The following FAM227B variants were observed in gnomAD, a reference collection of about 807,000 sequenced individuals.
FAM227B encodes the protein protein FAM227B.
FAM227B carries 88 observed loss-of-function variants against 73.8 expected under a neutral mutation model. The observed-to-expected ratio is 1.19, with a 90% CI of 1.00 to 1.42. FAM227B has a LOEUF of 1.42. FAM227B is among the 40% of genes most tolerant of loss of function. The pLI is 0.00. For missense variants in FAM227B, 632 were observed against 590.9 expected, an observed-to-expected ratio of 1.07 and a Z score of -0.72; for synonymous variants, 210 against 190.5, an observed-to-expected ratio of 1.10 and a Z score of -0.84.
At chr15:49,432,439 A>G (rs2050699501) in intron 11 of FAM227B, among the ~76,000 whole-genome samples, 1 of 151,710 alleles carries the variant, frequency 6.6e-6, no homozygotes, top group African/African-American at 2.4e-5. Flanking sequence ...AGAATTTTTA[A>G]AACTCTAGGA....
intron 11 of FAM227B, among the ~76,000 whole-genome samples, chr15:49,439,946 G>A (rs2051481857): frequency 6.6e-6 from 1 of 151,664 alleles, no homozygotes; most frequent in Non-Finnish European, 1.5e-5. Flanking sequence ...AACTGGAAAG[G>A]AAAAAATATG....
chr15:49,565,106 G>A (rs536126468), intron 9 of FAM227B, among the ~76,000 whole-genome samples: 3 of 152,050 alleles, frequency 2.0e-5, no homozygotes, highest in South Asian at 4.2e-4. Context: ...ATCAGAGGCC[G>A]GGCACAGTAG....
At chr15:49,545,167 A>T (rs1468647557) in intron 9 of FAM227B, among the ~76,000 whole-genome samples, 1 of 152,076 alleles carries the variant, frequency 6.6e-6, no homozygotes, top group African/African-American at 2.4e-5. Context: ...TTACTGTTTC[A>T]ATCTCACTAC....
At chr15:49,348,134 T>C (rs1363434265) in intron 13 of FAM227B, among the ~76,000 whole-genome samples, 1 of 152,086 alleles carries the variant, frequency 6.6e-6, no homozygotes. Flanking sequence ...CTGATAAGGC[T>C]GGATAAACAA....
intron 1 of FAM227B, among the ~76,000 whole-genome samples, chr15:49,617,231 A>T (rs1205029216): frequency 6.7e-6 from 1 of 149,798 alleles, no homozygotes; most frequent in Non-Finnish European, 1.5e-5. Flanking sequence ...AATATTTTTA[A>T]AAAATGGAAA....
chr15:49,339,919 C>T (rs9806748), intron 13 of FAM227B, among the ~76,000 whole-genome samples: 1 of 151,958 alleles, frequency 6.6e-6, no homozygotes, highest in East Asian at 1.9e-4. Flanking sequence ...TTACACTGTG[C>T]GGGTAAAACT....
intron 11 of FAM227B, chr15:49,487,323 T>C (rs1246901925): frequency 6.6e-6 from 1 of 151,340 alleles, no homozygotes; most frequent in African/African-American, 2.4e-5. Flanking sequence ...TTCTAACAAT[T>C]AGAAAAGAAA....
rs2056887642 is a variant in FAM227B, at chr15:49,489,873, T to G, written c.1012+18338A>C. Among the ~76,000 whole-genome samples, 22 of 15,882 alleles carry G rather than the reference T, an allele frequency of 1.4e-3. 2 individuals are homozygous for G. The highest frequency in any genetic ancestry group is 9.3e-3 in the Admixed American group (6 of 642). The allele number at this position is 15,882 out of a possible 152,430, so 10.4% of individuals were successfully genotyped here. Reference sequence around the variant, plus strand: ...TATATATATATTTTATATATATATATATATATATATAGAGAGAGAGAGAGA... The same window carrying G: ...TATATATATATTTTATATATATATAGATATATATATAGAGAGAGAGAGAGA... On this transcript the variant is annotated intron_variant, in intron 11 of 15. Transcript: ENST00000299338.
intron 11 of FAM227B, among the ~76,000 whole-genome samples, chr15:49,469,945 T>A (rs1254554785): frequency 2.0e-5 from 3 of 152,138 alleles, no homozygotes; most frequent in Non-Finnish European, 4.4e-5. Context: ...ATTCTCACCT[T>A]CACAGTACAA....
intron 11 of FAM227B, among the ~76,000 whole-genome samples, chr15:49,379,928 C>G (rs1400379881): frequency 6.6e-6 from 1 of 152,182 alleles, no homozygotes; most frequent in African/African-American, 2.4e-5. Context: ...CAGGGCTTTA[C>G]AATCAGCTGG....
At chr15:49,378,866 AATGTCATGCTCT>A (rs1472049064) in intron 11 of FAM227B, among the ~76,000 whole-genome samples, 3 of 152,124 alleles carry the variant, frequency 2.0e-5, no homozygotes, top group Admixed American at 2.0e-4. Flanking sequence ...AGTGGGCATC[AATGTCATGCTCT>A]AGATCTTAGA....
chr15:49,490,442 G>A (rs550991880), intron 11 of FAM227B, among the ~76,000 whole-genome samples: 1 of 152,118 alleles, frequency 6.6e-6, no homozygotes, highest in South Asian at 2.1e-4. Flanking sequence ...ATAGGAGCCT[G>A]TCCTTATAGT....
chr15:49,428,436 G>A (rs2050311428), intron 11 of FAM227B, among the ~76,000 whole-genome samples: 4 of 151,948 alleles, frequency 2.6e-5, no homozygotes, highest in South Asian at 4.2e-4. Flanking sequence ...ATGAATGGTC[G>A]ATACTTCCAC....
At chr15:49,583,915 C>T (rs1008570369) in intron 5 of FAM227B, among the ~76,000 whole-genome samples, 2 of 152,166 alleles carry the variant, frequency 1.3e-5, no homozygotes, top group Non-Finnish European at 1.5e-5. Context: ...AAATTCACAA[C>T]TGAATTCTAC....
chr15:49,426,546 T>C (rs996380923), intron 11 of FAM227B, among the ~76,000 whole-genome samples: 2 of 151,934 alleles, frequency 1.3e-5, no homozygotes, highest in African/African-American at 2.4e-5. Context: ...CATTTGCATA[T>C]GTAAATTTTA....
intron 11 of FAM227B, among the ~76,000 whole-genome samples, chr15:49,372,037 T>TATAAATCAATGAAATAAAATTCAC (rs2045863066): frequency 2.2e-5 from 2 of 90,728 alleles, no homozygotes; most frequent in African/African-American, 8.1e-5. Flanking sequence ...AAAATTCACT[T>TATAAATCAATGAAATAAAATTCAC]ATAAATCAAT....
At chr15:49,437,793 T>C (rs1178621351) in intron 11 of FAM227B, among the ~76,000 whole-genome samples, 2 of 151,706 alleles carry the variant, frequency 1.3e-5, no homozygotes, top group African/African-American at 2.4e-5. Flanking sequence ...ATTCAGCCTA[T>C]GTGTGGATAC....
intron 3 of FAM227B, among the ~76,000 whole-genome samples, chr15:49,609,702 C>A (rs952577656): frequency 6.6e-6 from 1 of 151,806 alleles, no homozygotes; most frequent in Non-Finnish European, 1.5e-5. Context: ...CTTTGTATAG[C>A]AAACAAAAAA....
chr15:49,359,050 A>G (rs1299528543), intron 13 of FAM227B, among the ~76,000 whole-genome samples: 1 of 152,092 alleles, frequency 6.6e-6, no homozygotes, highest in Non-Finnish European at 1.5e-5. Flanking sequence ...TAAAGCTGAA[A>G]CTCGATCCCT....
Sources: gnomAD v4.1 joint callset for allele counts (sites outside exome capture counted in the v4.1 genomes callset) on GRCh38, gnomAD v4.1.1 for gene constraint, MANE v1.5 for transcripts, NCBI Gene and HGNC (gene_info 2026-07-23, HGNC 2026-07-21) for gene names.